Variants in TMEM217B observed in about 807,000 individuals in gnomAD.
TMEM217B encodes the protein putative transmembrane protein 217B.
chr6:37,235,813 A>T, the TMEM217B span, among the ~76,000 whole-genome samples: 2 of 152,144 alleles, frequency 1.3e-5, no homozygotes, highest in African/African-American at 4.8e-5. Flanking sequence ...AGGGGACCTA[A>T]ACTAGTTCCC....
the TMEM217B span, among the ~76,000 whole-genome samples, chr6:37,233,173 GTCTT>G: frequency 3.3e-5 from 5 of 151,648 alleles, no homozygotes; most frequent in African/African-American, 1.2e-4. Context: ...TGTTTCTCTG[GTCTT>G]TCTTATTTAA....
chr6:37,241,878 G>A, the TMEM217B span, among the ~76,000 whole-genome samples: 4 of 152,150 alleles, frequency 2.6e-5, no homozygotes, highest in South Asian at 6.2e-4. Flanking sequence ...GTATGTAACC[G>A]TGTAAATTTG....
At chr6:37,230,160 A>G in the TMEM217B span, among the ~76,000 whole-genome samples, 1 of 152,156 alleles carries the variant, frequency 6.6e-6, no homozygotes, top group Non-Finnish European at 1.5e-5. Flanking sequence ...CACGCTTGGA[A>G]TTTCTCTGAC....
chr6:37,225,226 G>C, the TMEM217B span, among the ~76,000 whole-genome samples: 2 of 151,996 alleles, frequency 1.3e-5, no homozygotes, highest in Non-Finnish European at 2.9e-5. Flanking sequence ...ATTACCAAAA[G>C]TAAGAGGATA....
the TMEM217B span, among the ~76,000 whole-genome samples, chr6:37,235,105 T>C: frequency 6.6e-6 from 1 of 152,192 alleles, no homozygotes; most frequent in Non-Finnish European, 1.5e-5. Flanking sequence ...GATAACTCTG[T>C]CATAGTCTAA....
At chr6:37,218,421 C>G in the TMEM217B span, 2 of 1,592,198 alleles carry the variant, frequency 1.3e-6, no homozygotes, top group Non-Finnish European at 1.7e-6. Flanking sequence ...AGGCGATCCA[C>G]CTACCTCTGC....
At chr6:37,246,129 AG>A in the TMEM217B span, among the ~76,000 whole-genome samples, 1 of 152,142 alleles carries the variant, frequency 6.6e-6, no homozygotes, top group African/African-American at 2.4e-5. Context: ...TTGACAGCTA[AG>A]TTTCTTGAAA....
At chr6:37,237,066 A>G in the TMEM217B span, among the ~76,000 whole-genome samples, 218 of 152,312 alleles carry the variant, frequency 1.4e-3, 3 homozygotes, top group African/African-American at 5.0e-3. Context: ...TTCTTATTCT[A>G]GCCTCAGAAG....
the TMEM217B span, among the ~76,000 whole-genome samples, chr6:37,235,405 G>C: frequency 6.6e-6 from 1 of 151,650 alleles, no homozygotes; most frequent in African/African-American, 2.4e-5. Context: ...TTGCTCTGTC[G>C]CCCAGGCTAG....
At chr6:37,216,430 G>A in the TMEM217B span, among the ~76,000 whole-genome samples, 1 of 152,142 alleles carries the variant, frequency 6.6e-6, no homozygotes, top group African/African-American at 2.4e-5. Flanking sequence ...CCATGGGTCA[G>A]AAAGGGAGCA....
chr6:37,218,592 T>C, the TMEM217B span: 1 of 1,614,172 alleles, frequency 6.2e-7, no homozygotes, highest in Non-Finnish European at 8.5e-7. Context: ...GCATAGTTGA[T>C]GACAAAGAAC....
the TMEM217B span, chr6:37,258,139 C>G: frequency 1.3e-6 from 1 of 751,286 alleles, no homozygotes; most frequent in Non-Finnish European, 2.1e-6. Context: ...AAGCGAACAG[C>G]GAGCTTTGGG....
At chr6:37,248,147 G>A in the TMEM217B span, among the ~76,000 whole-genome samples, 1 of 152,050 alleles carries the variant, frequency 6.6e-6, no homozygotes, top group Non-Finnish European at 1.5e-5. Flanking sequence ...TCCACTCTGT[G>A]TCTTCTTAGG....
the TMEM217B span, among the ~76,000 whole-genome samples, chr6:37,241,407 C>T: frequency 4.6e-5 from 7 of 152,268 alleles, no homozygotes; most frequent in East Asian, 5.8e-4. Flanking sequence ...ACCTCAAAAG[C>T]GACATCTCAG....
the TMEM217B span, among the ~76,000 whole-genome samples, chr6:37,243,349 G>T: frequency 6.6e-6 from 1 of 152,142 alleles, no homozygotes; most frequent in Non-Finnish European, 1.5e-5. Context: ...CCTGAGAATG[G>T]ATTGAAAGGG....
At chr6:37,257,967 C>G in the TMEM217B span, 3 of 1,614,032 alleles carry the variant, frequency 1.9e-6, no homozygotes, top group East Asian at 2.2e-5. Context: ...GCTAAGCTGC[C>G]GGGGAGGTGA....
the TMEM217B span, among the ~76,000 whole-genome samples, chr6:37,251,278 C>T: frequency 5.3e-5 from 8 of 149,930 alleles, no homozygotes; most frequent in Non-Finnish European, 7.4e-5. Context: ...TGAACACCCA[C>T]TCATCTTGCT....
chr6:37,236,935 A>T, the TMEM217B span, among the ~76,000 whole-genome samples: 1 of 152,156 alleles, frequency 6.6e-6, no homozygotes, highest in Non-Finnish European at 1.5e-5. Flanking sequence ...GTGCCCATCC[A>T]TGTGGGCTTC....
the TMEM217B span, among the ~76,000 whole-genome samples, chr6:37,222,609 G>A: frequency 1.3e-5 from 2 of 152,224 alleles, no homozygotes; most frequent in Non-Finnish European, 2.9e-5. Flanking sequence ...CCTGGCAGCT[G>A]CAGCTGCACC....
Sources: gnomAD v4.1 joint callset for allele counts (sites outside exome capture counted in the v4.1 genomes callset) on GRCh38, gnomAD v4.1.1 for gene constraint, MANE v1.5 for transcripts, NCBI Gene and HGNC (gene_info 2026-07-23, HGNC 2026-07-21) for gene names.